Variants in CADM2 observed in about 807,000 individuals in gnomAD.
The protein encoded by CADM2 is cell adhesion molecule 2, also known as immunoglobulin superfamily member 4D.
A neutral mutation model predicts 49.8 loss-of-function variants in CADM2; 12 were observed. That is an observed-to-expected ratio of 0.24 (90% CI 0.15 to 0.39). CADM2 has a LOEUF of 0.39. Ranked by LOEUF, CADM2 falls within the 10% of genes least tolerant of loss-of-function variation. CADM2 has a pLI of 1.00. For synonymous variants in CADM2, 214 were observed against 175.4 expected, an observed-to-expected ratio of 1.22 and a Z score of -1.74; for missense variants, 378 against 492.3, an observed-to-expected ratio of 0.77 and a Z score of 2.20.
At chr3:85,784,047 C>T (rs562342474) in intron 2 of CADM2, among the ~76,000 whole-genome samples, 1 of 152,316 alleles carries the variant, frequency 6.6e-6, no homozygotes, top group South Asian at 2.1e-4. Flanking sequence ...CACACACACA[C>T]ATGCGTGCAT....
intron 1 of CADM2, among the ~76,000 whole-genome samples, chr3:85,481,223 A>G (rs1476612820): frequency 1.3e-5 from 1 of 78,828 alleles, no homozygotes; most frequent in Non-Finnish European, 3.0e-5. Flanking sequence ...CAAATTATAT[A>G]TATTGGATAT....
intron 1 of CADM2, among the ~76,000 whole-genome samples, chr3:85,365,802 G>T (rs1312571646): frequency 6.6e-6 from 1 of 152,140 alleles, no homozygotes; most frequent in Non-Finnish European, 1.5e-5. Flanking sequence ...TTTTTCCTCT[G>T]TGAGAAGCTC....
intron 1 of CADM2, among the ~76,000 whole-genome samples, chr3:85,327,656 T>C (rs1421021856): frequency 6.6e-6 from 1 of 151,990 alleles, no homozygotes; most frequent in Non-Finnish European, 1.5e-5. Flanking sequence ...GAAGTTACCC[T>C]ATAGGCTAAA....
chr3:85,068,061 A>G (rs975473624), intron 1 of CADM2, among the ~76,000 whole-genome samples: 4 of 152,186 alleles, frequency 2.6e-5, no homozygotes, highest in Non-Finnish European at 5.9e-5. Flanking sequence ...GGAAGCTCAA[A>G]AAATAAAATA....
intron 1 of CADM2, among the ~76,000 whole-genome samples, chr3:85,578,214 A>G (rs1383623192): frequency 2.0e-5 from 3 of 152,102 alleles, no homozygotes; most frequent in African/African-American, 7.2e-5. Flanking sequence ...GATGACAGGT[A>G]GGAAGTCTGC....
At chr3:85,689,176 A>G (rs2066307554) in intron 1 of CADM2, among the ~76,000 whole-genome samples, 1 of 152,246 alleles carries the variant, frequency 6.6e-6, no homozygotes. Flanking sequence ...TGCATATTGT[A>G]TGAATATATT....
At chr3:85,232,241 C>T (rs1479664707) in intron 1 of CADM2, among the ~76,000 whole-genome samples, 1 of 151,832 alleles carries the variant, frequency 6.6e-6, no homozygotes, top group Non-Finnish European at 1.5e-5. Flanking sequence ...ATAAATGTTA[C>T]TCTGAGCTAG....
chr3:85,368,087 C>A (rs1305413590), intron 1 of CADM2, among the ~76,000 whole-genome samples: 2 of 151,998 alleles, frequency 1.3e-5, no homozygotes, highest in Admixed American at 6.5e-5. Context: ...GGCCCCTTAG[C>A]AAAGATATCT....
At chr3:85,898,955 A>T (rs560652024) in intron 5 of CADM2, among the ~76,000 whole-genome samples, 377 of 33,938 alleles carry the variant, frequency 0.011, 17 homozygotes, top group Middle Eastern at 0.024. Flanking sequence ...ATATATATAT[A>T]TTTTTTTTTT....
chr3:85,414,097 T>C (rs2035802019), intron 1 of CADM2, among the ~76,000 whole-genome samples: 1 of 152,130 alleles, frequency 6.6e-6, no homozygotes, highest in Non-Finnish European at 1.5e-5. Context: ...ACTCCTGACC[T>C]TGTAATCCAC....
intron 1 of CADM2, among the ~76,000 whole-genome samples, chr3:85,405,730 GT>G (rs1408101769): frequency 6.6e-6 from 1 of 151,746 alleles, no homozygotes; most frequent in African/African-American, 2.4e-5. Flanking sequence ...TTTATTTTAA[GT>G]TTTGGAGTAC....
chr3:85,506,966 C>T (rs964373982), intron 1 of CADM2, among the ~76,000 whole-genome samples: 1 of 151,902 alleles, frequency 6.6e-6, no homozygotes, highest in African/African-American at 2.4e-5. Flanking sequence ...AAGCACTATG[C>T]TACAGAATAA....
chr3:85,184,414 A>T (rs1435195028), intron 1 of CADM2, among the ~76,000 whole-genome samples: 1 of 151,644 alleles, frequency 6.6e-6, no homozygotes, highest in Admixed American at 6.6e-5. Context: ...TACTTATTGC[A>T]TTTTTTTTCC....
chr3:85,855,717 C>T (rs2075292376), intron 3 of CADM2, among the ~76,000 whole-genome samples: 3 of 151,014 alleles, frequency 2.0e-5, no homozygotes, highest in Admixed American at 2.0e-4. Flanking sequence ...AGCTCCGCCT[C>T]CTGGGTTCAT....
chr3:85,604,255 G>C (rs62263913), intron 1 of CADM2, among the ~76,000 whole-genome samples: 50,534 of 151,574 alleles, frequency 0.33, 9,105 homozygotes, highest in East Asian at 0.61. Flanking sequence ...ATTTACACTG[G>C]AGGGACTTTG....
At chr3:85,770,716 A>G (rs1042716184) in intron 2 of CADM2, among the ~76,000 whole-genome samples, 1 of 152,260 alleles carries the variant, frequency 6.6e-6, no homozygotes, top group East Asian at 1.9e-4. Flanking sequence ...GATAATAGGA[A>G]ACATCAAGCC....
intron 7 of CADM2, among the ~76,000 whole-genome samples, chr3:85,937,817 A>G (rs555935883): frequency 9.3e-4 from 141 of 152,096 alleles, no homozygotes; most frequent in African/African-American, 3.2e-3. Flanking sequence ...CCATATAAAA[A>G]TCTGTAATTT....
intron 1 of CADM2, among the ~76,000 whole-genome samples, chr3:85,058,476 CT>C (rs1353514504): frequency 6.6e-6 from 1 of 151,624 alleles, no homozygotes; most frequent in African/African-American, 2.4e-5. Flanking sequence ...CAGAATTTTG[CT>C]CTTGTCGCCC....
intron 3 of CADM2, among the ~76,000 whole-genome samples, chr3:85,881,948 A>C (rs1464093641): frequency 6.6e-6 from 1 of 152,102 alleles, no homozygotes; most frequent in Non-Finnish European, 1.5e-5. Context: ...ACTCTCCTAT[A>C]AGAAGTGCCC....
Sources: allele counts gnomAD v4.1 joint callset (sites outside exome capture counted in the v4.1 genomes callset), GRCh38; gene constraint gnomAD v4.1.1; transcripts MANE v1.5; gene names NCBI Gene and HGNC (gene_info 2026-07-23, HGNC 2026-07-21).